The following MMP16 variants were observed in gnomAD, a reference collection of about 807,000 sequenced individuals.
The protein encoded by MMP16 is matrix metallopeptidase 16.
MMP16 carries 12 observed loss-of-function variants against 67.8 expected under a neutral mutation model. The observed-to-expected ratio is 0.18, with a 90% CI of 0.11 to 0.29. The LOEUF is 0.29. Among genes scored for constraint, MMP16 ranks in the 10% least tolerant of loss-of-function variants. MMP16 has a pLI of 1.00. For missense variants in MMP16, 475 were observed against 765.7 expected (o/e 0.62, Z 4.48); for synonymous variants, 249 against 255.9 (o/e 0.97, Z 0.26).
intron 6 of MMP16, among the ~76,000 whole-genome samples, chr8:88,109,839 G>C (rs1372864872): frequency 1.3e-5 from 2 of 151,050 alleles, no homozygotes; most frequent in African/African-American, 4.8e-5. Flanking sequence ...ACATGGAAAA[G>C]ACTTGGATAA....
rs561865770 is a variant in MMP16, at chr8:88,296,975, CTT to C, written c.132+30098_132+30099del. On this transcript the variant is annotated intron_variant, in intron 1 of 9. Transcript: ENST00000286614. Reference sequence around the variant, plus strand: ...AAAGCAAATTCAAAATTCAAAATAACTTAGTGCCCTGGGAAAGTTATGATTTT... The same window carrying C: ...AAAGCAAATTCAAAATTCAAAATAACAGTGCCCTGGGAAAGTTATGATTTT... 5.4e-3 allele frequency among the ~76,000 whole-genome samples: 819 copies of C among 151,312 alleles called. 6 individuals are homozygous for C. The highest frequency in any genetic ancestry group is 0.019 in the African/African-American group (775 of 41,228).
At chr8:88,186,657 C>G (rs1413785185) in intron 2 of MMP16, 59 bp from the exon 3 acceptor site, 1 of 1,531,478 alleles carries the variant, frequency 6.5e-7, no homozygotes, top group Non-Finnish European at 8.7e-7. Context: ...ACTAACAACC[C>G]TAATCATTAA....
intron 6 of MMP16, among the ~76,000 whole-genome samples, chr8:88,114,762 G>A (rs911863990): frequency 3.9e-5 from 6 of 151,924 alleles, no homozygotes; most frequent in Non-Finnish European, 7.4e-5. Flanking sequence ...ACTCTGTCCT[G>A]TCAGGAATTT....
chr8:88,248,193 G>A (rs1378901099), intron 1 of MMP16, among the ~76,000 whole-genome samples: 1 of 152,008 alleles, frequency 6.6e-6, no homozygotes, highest in Non-Finnish European at 1.5e-5. Context: ...ACCATCTACA[G>A]CATGGGATGC....
At chr8:88,059,231 A>G (rs759481197) in intron 7 of MMP16, among the ~76,000 whole-genome samples, 1 of 152,144 alleles carries the variant, frequency 6.6e-6, no homozygotes, top group Non-Finnish European at 1.5e-5. Flanking sequence ...GAAGATAAAG[A>G]GTAACCAGAA....
chr8:88,231,836 C>G (rs1479467828), intron 1 of MMP16, among the ~76,000 whole-genome samples: 1 of 152,066 alleles, frequency 6.6e-6, no homozygotes, highest in Admixed American at 6.6e-5. Flanking sequence ...AAAAGTTTTT[C>G]TCTAAAATAA....
chr8:88,242,047 T>C (rs867933881), intron 1 of MMP16, among the ~76,000 whole-genome samples: 1 of 152,184 alleles, frequency 6.6e-6, no homozygotes, highest in Admixed American at 6.5e-5. Flanking sequence ...AATGAGGTAT[T>C]AGGAAACAGG....
intron 7 of MMP16, among the ~76,000 whole-genome samples, chr8:88,061,048 ATTATAT>A (rs1808392605): frequency 6.6e-6 from 1 of 151,712 alleles, no homozygotes; most frequent in Non-Finnish European, 1.5e-5. Context: ...TATTTAAGTG[ATTATAT>A]TTAACCAAGT....
At chr8:88,248,370 T>C (rs1011659427) in intron 1 of MMP16, among the ~76,000 whole-genome samples, 11 of 151,846 alleles carry the variant, frequency 7.2e-5, no homozygotes, top group African/African-American at 2.7e-4. Flanking sequence ...AAAGAGCAAA[T>C]GATTTAGGGT....
At chr8:88,216,489 T>A (rs561430142) in intron 1 of MMP16, among the ~76,000 whole-genome samples, 1 of 152,254 alleles carries the variant, frequency 6.6e-6, no homozygotes, top group African/African-American at 2.4e-5. Context: ...CTTAAAGTCA[T>A]ACAGTTTTCT....
intron 4 of MMP16, among the ~76,000 whole-genome samples, chr8:88,128,637 G>A (rs983843642): frequency 1.3e-5 from 2 of 151,790 alleles, no homozygotes; most frequent in African/African-American, 4.8e-5. Flanking sequence ...CATCAAGCAA[G>A]ATAGAGTCCT....
At chr8:88,305,407 T>C (rs571225804) in intron 1 of MMP16, among the ~76,000 whole-genome samples, 16 of 152,192 alleles carry the variant, frequency 1.1e-4, no homozygotes, top group African/African-American at 3.9e-4. Flanking sequence ...ACAAAGATAT[T>C]CGGGACTTGA....
chr8:88,312,492 A>T (rs1235320490), intron 1 of MMP16, among the ~76,000 whole-genome samples: 3 of 152,180 alleles, frequency 2.0e-5, no homozygotes, highest in African/African-American at 7.2e-5. Flanking sequence ...AATAAGCAGC[A>T]CATATTTTAA....
intron 1 of MMP16, among the ~76,000 whole-genome samples, chr8:88,255,015 A>T (rs933448086): frequency 3.9e-5 from 6 of 152,194 alleles, no homozygotes; most frequent in Non-Finnish European, 7.3e-5. Context: ...ATTATTATTT[A>T]AAAAACATGG....
chr8:88,196,402 C>T (rs543250069), intron 2 of MMP16, among the ~76,000 whole-genome samples: 2 of 152,004 alleles, frequency 1.3e-5, no homozygotes, highest in Non-Finnish European at 2.9e-5. Context: ...ACACCATTTG[C>T]GATTATGTCT....
intron 1 of MMP16, among the ~76,000 whole-genome samples, chr8:88,317,708 T>C (rs1454455611): frequency 6.6e-6 from 1 of 152,200 alleles, no homozygotes; most frequent in East Asian, 1.9e-4. Context: ...GGTTTAGAAA[T>C]AGTCCTTCTT....
At chr8:88,085,691 T>G (rs999780416) in intron 6 of MMP16, among the ~76,000 whole-genome samples, 1 of 152,086 alleles carries the variant, frequency 6.6e-6, no homozygotes, top group African/African-American at 2.4e-5. Context: ...AAGAATGTCA[T>G]AGTTACCATT....
chr8:88,051,235 CA>C (rs1258418174), intron 8 of MMP16, among the ~76,000 whole-genome samples: 1 of 151,954 alleles, frequency 6.6e-6, no homozygotes, highest in Non-Finnish European at 1.5e-5. Flanking sequence ...TCAACATGAA[CA>C]AAAAAATCTC....
At chr8:88,209,986 C>T (rs149882037) in intron 1 of MMP16, among the ~76,000 whole-genome samples, 11 of 152,082 alleles carry the variant, frequency 7.2e-5, no homozygotes, top group African/African-American at 2.6e-4. Flanking sequence ...GAATGGGATG[C>T]CCTTATAAAA....
Sources: allele counts gnomAD v4.1 joint callset (sites outside exome capture counted in the v4.1 genomes callset), GRCh38; gene constraint gnomAD v4.1.1; transcripts MANE v1.5; gene names NCBI Gene and HGNC (gene_info 2026-07-23, HGNC 2026-07-21).